ANO4: variants seen among roughly 807,000 people sequenced by gnomAD.
ANO4 encodes the protein anoctamin 4, also known as anoctamin-4.
Under a neutral mutation model 141.9 loss-of-function variants are expected in ANO4, and 69 were observed. That is an observed-to-expected ratio of 0.49 (90% confidence interval 0.40 to 0.59). ANO4 has a LOEUF of 0.59. Among genes scored for constraint, ANO4 ranks in the 20% least tolerant of loss-of-function variants. ANO4 has a pLI of 0.00. For synonymous variants in ANO4, 350 were observed against 394.3 expected (o/e 0.89, Z 1.33); for missense variants, 894 against 1,162.2 (o/e 0.77, Z 3.36).
chr12:100,737,335 A>C (rs1031444663), intron 2 of ANO4, among the ~76,000 whole-genome samples: 4 of 152,180 alleles, frequency 2.6e-5, no homozygotes. Flanking sequence ...TCACAGGGTA[A>C]GAAGTTTTGG....
intron 22 of ANO4, among the ~76,000 whole-genome samples, chr12:101,104,982 T>G (rs2050383987): frequency 6.6e-6 from 1 of 152,162 alleles, no homozygotes; most frequent in Non-Finnish European, 1.5e-5. Context: ...TCTGACTTAC[T>G]GTTGAATTGG....
At chr12:100,795,364 A>C (rs998953015) in intron 1 of ANO4, among the ~76,000 whole-genome samples, 23 of 152,208 alleles carry the variant, frequency 1.5e-4, no homozygotes, top group African/African-American at 5.5e-4. Flanking sequence ...TTTGGGCAGG[A>C]TGAATCCTCA....
chr12:100,921,361 C>G (rs1328114396), intron 2 of ANO4, among the ~76,000 whole-genome samples: 2 of 152,060 alleles, frequency 1.3e-5, no homozygotes, highest in Non-Finnish European at 2.9e-5. Flanking sequence ...GCTGAGTATA[C>G]CTCCTAAGCT....
At chr12:100,863,615 C>G (rs1241536751) in intron 1 of ANO4, among the ~76,000 whole-genome samples, 1 of 152,024 alleles carries the variant, frequency 6.6e-6, no homozygotes, top group Non-Finnish European at 1.5e-5. Flanking sequence ...AGTAAAAGGG[C>G]TAACTTAGTA....
At chr12:100,786,208 C>A (rs1593328086) in intron 3 of ANO4, among the ~76,000 whole-genome samples, 6 of 152,176 alleles carry the variant, frequency 3.9e-5, no homozygotes, top group Admixed American at 3.3e-4. Context: ...CCTAAGTGGG[C>A]TTTCTTGCTT....
intron 22 of ANO4, among the ~76,000 whole-genome samples, chr12:101,105,115 C>G (rs1319778664): frequency 6.6e-6 from 1 of 152,136 alleles, no homozygotes; most frequent in Admixed American, 6.6e-5. Context: ...CTTATTGCCT[C>G]TCAGAGCTAA....
intron 7 of ANO4, among the ~76,000 whole-genome samples, chr12:100,986,359 A>T (rs1206220761): frequency 1.3e-5 from 2 of 152,136 alleles, no homozygotes; most frequent in East Asian, 3.9e-4. Context: ...AGCAGACAGC[A>T]AATTCACCCT....
intron 2 of ANO4, among the ~76,000 whole-genome samples, chr12:100,737,573 G>A (rs1265610574): frequency 6.6e-6 from 1 of 152,196 alleles, no homozygotes; most frequent in Non-Finnish European, 1.5e-5. Context: ...GGCTGTGTGG[G>A]GTGGGACAGA....
intron 8 of ANO4, among the ~76,000 whole-genome samples, chr12:101,010,705 A>T (rs992237448): frequency 6.6e-6 from 1 of 152,198 alleles, no homozygotes; most frequent in East Asian, 1.9e-4. Context: ...TAAAAAAGAA[A>T]TACCTATTTA....
At chr12:100,892,316 A>G (rs1432590775) in intron 1 of ANO4, among the ~76,000 whole-genome samples, 1 of 152,156 alleles carries the variant, frequency 6.6e-6, no homozygotes, top group East Asian at 1.9e-4. Context: ...TATGAATTAA[A>G]AAAAATCTCA....
At chr12:100,958,443 C>A (rs548988357) in intron 5 of ANO4, among the ~76,000 whole-genome samples, 1 of 152,184 alleles carries the variant, frequency 6.6e-6, no homozygotes, top group African/African-American at 2.4e-5. Flanking sequence ...ACTTGGGATA[C>A]ATCAGTGAAC....
At chr12:100,897,135 G>T (rs1220002176) in intron 1 of ANO4, among the ~76,000 whole-genome samples, 2 of 152,172 alleles carry the variant, frequency 1.3e-5, no homozygotes, top group African/African-American at 2.4e-5. Flanking sequence ...GTTTCCCAAG[G>T]TTCTGACTTT....
chr12:100,851,817 A>T (rs1399556182), intron 1 of ANO4, among the ~76,000 whole-genome samples: 1 of 152,030 alleles, frequency 6.6e-6, no homozygotes, highest in Non-Finnish European at 1.5e-5. Flanking sequence ...GGAGGGAGAC[A>T]AGCCAACGTA....
intron 5 of ANO4, among the ~76,000 whole-genome samples, chr12:100,970,290 C>A (rs1226477142): frequency 6.6e-6 from 1 of 152,194 alleles, no homozygotes; most frequent in East Asian, 1.9e-4. Flanking sequence ...AGTGGTTTCC[C>A]AGTGTTCCTA....
intron 22 of ANO4, among the ~76,000 whole-genome samples, chr12:101,106,144 C>T (rs903744290): frequency 3.3e-5 from 5 of 151,682 alleles, no homozygotes; most frequent in African/African-American, 7.3e-5. Flanking sequence ...ATTGACTTAG[C>T]GTAAGACAGT....
chr12:100,797,486 C>T (rs960889467), intron 1 of ANO4, among the ~76,000 whole-genome samples: 8 of 152,222 alleles, frequency 5.3e-5, no homozygotes, highest in Non-Finnish European at 1.0e-4. Context: ...TGAGCGGAGC[C>T]TGTAGCCTCT....
At position 100,814,374 on chromosome 12, in the gene ANO4, G is replaced by A. The variant is rs556037053; in HGVS notation, c.-141+19347G>A. 2.6e-3 allele frequency among the ~76,000 whole-genome samples: 393 copies of A among 152,118 alleles called. 3 individuals carry two copies. Among genetic ancestry groups the A allele is most frequent in the Non-Finnish European group, 4.3e-3 (295 of 67,998 alleles). ...AATACGATTTATCATGCCCATTTAC[G>A]TGAATGTTCCTATGTTTTTCTAATA... On this transcript the variant is annotated intron_variant, in intron 1 of 27. Coordinates refer to ENST00000392977, the MANE Select transcript of ANO4 (RefSeq NM_001286615.2).
intron 1 of ANO4, among the ~76,000 whole-genome samples, chr12:100,725,944 A>G (rs2031096642): frequency 6.6e-6 from 1 of 152,192 alleles, no homozygotes; most frequent in African/African-American, 2.4e-5. Flanking sequence ...AAGAAAGGGA[A>G]GGAGCCCATC....
intron 14 of ANO4, among the ~76,000 whole-genome samples, chr12:101,072,880 T>C (rs1194230775): frequency 6.6e-6 from 1 of 152,046 alleles, no homozygotes; most frequent in East Asian, 1.9e-4. Flanking sequence ...AAAACCACAA[T>C]GAGATATCAT....
Sources: gnomAD v4.1 joint callset for allele counts (sites outside exome capture counted in the v4.1 genomes callset) on GRCh38, gnomAD v4.1.1 for gene constraint, MANE v1.5 for transcripts, NCBI Gene and HGNC (gene_info 2026-07-23, HGNC 2026-07-21) for gene names.